HCN4: variants seen among roughly 807,000 people sequenced by gnomAD.
The protein encoded by HCN4 is potassium/sodium hyperpolarization-activated cyclic nucleotide-gated channel 4.
In HCN4, 29 loss-of-function variants were observed where a neutral mutation model predicts 76.9. That is an observed-to-expected ratio of 0.38 (90% confidence interval 0.28 to 0.51). HCN4 has a LOEUF of 0.51. Among genes scored for constraint, HCN4 ranks in the 20% least tolerant of loss-of-function variants. The pLI is 0.90. For missense variants in HCN4, 1,416 were observed against 1,715.2 expected (o/e 0.83, Z 3.08); for synonymous variants, 772 against 762.5 (o/e 1.01, Z -0.21).
intron 2 of HCN4, among the ~76,000 whole-genome samples, chr15:73,338,429 A>G (rs893250691): frequency 6.6e-6 from 1 of 152,228 alleles, no homozygotes; most frequent in South Asian, 2.1e-4. Context: ...TCTCAACTGC[A>G]GTGCAAGGAC....
intron 1 of HCN4, among the ~76,000 whole-genome samples, chr15:73,344,591 A>T (rs1473529475): frequency 6.6e-6 from 1 of 152,218 alleles, no homozygotes; most frequent in Non-Finnish European, 1.5e-5. Flanking sequence ...GATTTCAGGC[A>T]CCAGTGAGAT....
At position 73,353,632 on chromosome 15, in the gene HCN4, T is replaced by C. The variant is rs139526498; in HGVS notation, c.786-9824A>G. 1.9e-3 allele frequency among the ~76,000 whole-genome samples: 282 copies of C among 152,236 alleles called. 2 individuals carry two copies. Among genetic ancestry groups the C allele is most frequent in the African/African-American group, 6.5e-3 (268 of 41,524 alleles). ...CTATCTGTCTAGCTCCTCTTTACCA[T>C]TCTCTGAGGCAGAGCCACTGTCACC... On this transcript the variant is annotated intron_variant, in intron 1 of 7. Coordinates refer to ENST00000261917, the MANE Select transcript of HCN4 (RefSeq NM_005477.3).
chr15:73,321,425 T>G lies in HCN4; in HGVS notation c.*1056A>C, dbSNP rs1330396397. On this transcript the variant is annotated 3_prime_UTR_variant, in exon 8 of 8. Transcript: ENST00000261917. ...AAAATTACCCAAAACTGTTTCTTCC[T>G]CTGCTAAATGGGGAGAATCAAAGTA... 6.6e-6 allele frequency: 1 copy of G among 152,276 alleles called. No individual in the cohort carries two copies. The highest frequency in any genetic ancestry group is 1.5e-5 in the Non-Finnish European group (1 of 68,050). The allele number at this position is 152,276 out of a possible 1,614,324, so 9.4% of individuals were successfully genotyped here.
intron 1 of HCN4, among the ~76,000 whole-genome samples, chr15:73,349,011 C>T (rs893360650): frequency 1.3e-5 from 2 of 152,170 alleles, no homozygotes; most frequent in African/African-American, 2.4e-5. Flanking sequence ...CCCAGCCATC[C>T]CTTACTGCTG....
intron 3 of HCN4, among the ~76,000 whole-genome samples, chr15:73,330,434 A>G (rs1288053524): frequency 6.6e-6 from 1 of 152,136 alleles, no homozygotes; most frequent in Non-Finnish European, 1.5e-5. Context: ...GCTCTTGGCT[A>G]TTTTTGTCTA....
At chr15:73,353,486 C>T (rs1429455037) in intron 1 of HCN4, among the ~76,000 whole-genome samples, 1 of 152,198 alleles carries the variant, frequency 6.6e-6, no homozygotes, top group African/African-American at 2.4e-5. Flanking sequence ...GACAGCTTAA[C>T]ATCACACGCA....
intron 1 of HCN4, among the ~76,000 whole-genome samples, chr15:73,352,549 A>G (rs1201997270): frequency 1.3e-5 from 2 of 152,244 alleles, no homozygotes; most frequent in Non-Finnish European, 1.5e-5. Flanking sequence ...GGTCTCTGAC[A>G]GGATGGGATG....
intron 1 of HCN4, among the ~76,000 whole-genome samples, chr15:73,354,083 C>T (rs76674821): frequency 0.056 from 8,478 of 152,222 alleles, 347 homozygotes; most frequent in Middle Eastern, 0.075. Flanking sequence ...AGACACAGTC[C>T]GATTTAGAGC....
At chr15:73,334,819 CCTT>C (rs1360066783) in intron 2 of HCN4, among the ~76,000 whole-genome samples, 3 of 152,138 alleles carry the variant, frequency 2.0e-5, no homozygotes, top group Admixed American at 6.5e-5. Flanking sequence ...TTATTAAGCT[CCTT>C]CTCTTCCCAG....
chr15:73,325,542 C>A lies in HCN4; in HGVS notation c.1591-98G>T. Reference sequence around the variant, plus strand: ...AGGCACCACATCCGGGCACCCACCCCGGGGGATTTCCTGGCTAAACTTGGT... The same window carrying A: ...AGGCACCACATCCGGGCACCCACCCAGGGGGATTTCCTGGCTAAACTTGGT... On this transcript the variant is annotated intron_variant, in intron 4 of 7. Coordinates refer to ENST00000261917, the MANE Select transcript of HCN4 (RefSeq NM_005477.3). This position sits in a 1 kb window ranked among gnomAD's most constrained non-coding sequence, Gnocchi z 7.4. 1 of 1,243,174 alleles carries A rather than the reference C, an allele frequency of 8.0e-7. No homozygotes were observed. Among genetic ancestry groups the A allele is most frequent in the Non-Finnish European group, 1.2e-6 (1 of 843,960 alleles). The allele number at this position is 1,243,174 out of a possible 1,614,324, so 77.0% of individuals were successfully genotyped here. A position where few individuals can be genotyped will look rare whatever the true frequency, so the allele number is the denominator to read the frequency against.
In HCN4 at chr15:73,322,995, C is replaced by A; in HGVS notation, c.3098G>T (p.Gly1033Val). 2 of 1,454,690 alleles carry A rather than the reference C, an allele frequency of 1.4e-6. No homozygotes were observed. Among genetic ancestry groups the A allele is most frequent in the South Asian group, 2.9e-5 (2 of 69,362 alleles). The allele number at this position is 1,454,690 out of a possible 1,614,324, so 90.1% of individuals were successfully genotyped here. A position where few individuals can be genotyped will look rare whatever the true frequency, so the allele number is the denominator to read the frequency against. The change falls in exon 8 of 8, where the codon GGC (glycine) becomes GTC (valine). Residue 1033 changes from glycine to valine, a missense_variant. Physicochemically the swap from Gly to Val is moderately radical, Grantham distance 109 (BLOSUM62 -3). Around this residue, in one of 6 missense-constraint regions of HCN4, gnomAD observed 633 missense variants for 579.8 expected, o/e 1.09. Coordinates refer to ENST00000261917, the MANE Select transcript of HCN4 (RefSeq NM_005477.3). ...GGLSPPGHSP[G>V]PPRTFPSAPP... Reference sequence around the variant, plus strand: ...GGCACTCGGGAAGGTTCTTGGGGGGCCTGGGCTGTGGCCAGGGGGGCTGAG... The same window carrying A: ...GGCACTCGGGAAGGTTCTTGGGGGGACTGGGCTGTGGCCAGGGGGGCTGAG...
At chr15:73,338,504 T>C (rs1188348231) in intron 2 of HCN4, among the ~76,000 whole-genome samples, 1 of 152,164 alleles carries the variant, frequency 6.6e-6, no homozygotes, top group Non-Finnish European at 1.5e-5. Flanking sequence ...AATTGCCAGA[T>C]CTCAGGGCTA....
chr15:73,368,396 C>G lies in HCN4; in HGVS notation c.-126G>C, dbSNP rs1027881722. ...CCTTTGCCGCCGGCGTGGGGGCAGC[C>G]TCAGGCGCCCATGCTTGGGCAGGCT... is the stretch of plus-strand genomic sequence containing the variant. On this transcript the variant is annotated 5_prime_UTR_variant, in exon 1 of 8. Coordinates refer to ENST00000261917, the MANE Select transcript of HCN4 (RefSeq NM_005477.3). This position sits in a 1 kb window ranked among gnomAD's most constrained non-coding sequence, Gnocchi z 6.9. 10 of 564,986 alleles carry G rather than the reference C, an allele frequency of 1.8e-5. No individual in the cohort carries two copies. The highest frequency in any genetic ancestry group is 2.7e-5 in the Non-Finnish European group (10 of 370,148). 35.0% of individuals were successfully genotyped at this position (564,986 alleles called of 1,614,324 possible). A position where few individuals can be genotyped will look rare whatever the true frequency, so the allele number is the denominator to read the frequency against.
At chr15:73,362,302 C>T (rs2043108401) in intron 1 of HCN4, among the ~76,000 whole-genome samples, 1 of 152,224 alleles carries the variant, frequency 6.6e-6, no homozygotes, top group Non-Finnish European at 1.5e-5. Flanking sequence ...TAAAACGGAG[C>T]TCTGCCCTCA....
At chr15:73,344,818 C>G (rs1196842964) in intron 1 of HCN4, among the ~76,000 whole-genome samples, 1 of 152,170 alleles carries the variant, frequency 6.6e-6, no homozygotes, top group Non-Finnish European at 1.5e-5. Context: ...GGAAACAACA[C>G]AGGTGGCCAA....
rs1196730430 is a variant in HCN4, at chr15:73,368,085, C to T, written c.186G>A (p.Ala62=). ...CCGAGCTCCGGGACTCCGTGCCACC[C>T]GCGGCCGCCGAGGGGGAGGGCGAGG... ...PLPSPSPSAA[A]GGTESRSSAL... The change falls in exon 1 of 8, where the codon GCG becomes GCA. Residue 62 remains alanine, a synonymous_variant. Transcript: ENST00000261917. The surrounding 1 kb of genome is among the most constrained non-coding windows in gnomAD (Gnocchi z 6.9). 9 of 1,488,338 alleles carry T rather than the reference C, an allele frequency of 6.0e-6. No homozygotes were observed. The highest frequency in any genetic ancestry group is 8.0e-6 in the Non-Finnish European group (9 of 1,124,382). The allele number at this position is 1,488,338 out of a possible 1,614,324, so 92.2% of individuals were successfully genotyped here.
chr15:73,334,386 C>A (rs932079306), intron 2 of HCN4, among the ~76,000 whole-genome samples: 3 of 152,072 alleles, frequency 2.0e-5, no homozygotes, highest in African/African-American at 7.2e-5. Flanking sequence ...CACCTGTATC[C>A]TAAGACCGTG....
At chr15:73,341,054 G>A (rs536061097) in intron 2 of HCN4, 1 of 147,528 alleles carries the variant, frequency 6.8e-6, no homozygotes, top group African/African-American at 2.5e-5. Flanking sequence ...AGACAACTTG[G>A]TGGGGAGGGA....
intron 1 of HCN4, among the ~76,000 whole-genome samples, chr15:73,358,156 T>C (rs2043089607): frequency 6.6e-6 from 1 of 152,088 alleles, no homozygotes; most frequent in Non-Finnish European, 1.5e-5. Context: ...CTGGGCAGGC[T>C]GGCTCAAGAT....
Sources: allele counts gnomAD v4.1 joint callset (sites outside exome capture counted in the v4.1 genomes callset), GRCh38; gene constraint gnomAD v4.1.1; regional missense constraint gnomAD v4.1.1; non-coding constraint Gnocchi (gnomAD v3.1); transcripts MANE v1.5; gene names NCBI Gene and HGNC (gene_info 2026-07-23, HGNC 2026-07-21).